Variants in RALYL observed in about 807,000 individuals in gnomAD.
The protein encoded by RALYL is RALY RNA binding protein like.
RALYL carries 29 observed loss-of-function variants against 35.1 expected under a neutral mutation model. The observed-to-expected ratio is 0.83, with a 90% CI of 0.61 to 1.13. RALYL has a LOEUF of 1.13. Ranked by LOEUF, RALYL falls within the 50% of genes most tolerant of loss-of-function variation. The pLI, the probability that RALYL is intolerant of heterozygous loss-of-function variation, is 0.00. For synonymous variants in RALYL, 120 were observed against 127.6 expected, an observed-to-expected ratio of 0.94 and a Z score of 0.40; for missense variants, 359 against 360.4, an observed-to-expected ratio of 1.00 and a Z score of 0.03.
rs370042597 is a variant in RALYL, at chr8:84,247,533, TA to T, written c.-24+63121del. On this transcript the variant is annotated intron_variant, in intron 1 of 8. Transcript: ENST00000521268. ...ACAATTTAATGACACATTTTAAATT[TA>T]AAAAAAAAAAAGAAAAAAAAACTTG... is the stretch of plus-strand genomic sequence containing the variant. Among the ~76,000 whole-genome samples the T allele has an allele frequency of 3.2e-3, 450 of 140,166 alleles. 3 individuals are homozygous for T. The East Asian group carries it at 0.039, about 12-fold the overall frequency. 92.0% of individuals were successfully genotyped at this position (140,166 alleles called of 152,430 possible).
At chr8:84,703,715 T>C (rs1178418056) in intron 2 of RALYL, among the ~76,000 whole-genome samples, 1 of 152,180 alleles carries the variant, frequency 6.6e-6, no homozygotes, top group Admixed American at 6.5e-5. Flanking sequence ...ATTCATATCA[T>C]AAATATATAC....
chr8:84,608,894 C>A (rs1301750243), intron 2 of RALYL, among the ~76,000 whole-genome samples: 1 of 152,128 alleles, frequency 6.6e-6, no homozygotes, highest in East Asian at 1.9e-4. Flanking sequence ...CTGCATAAGA[C>A]CAAACCCATC....
At chr8:84,362,282 A>G (rs1202948039) in intron 1 of RALYL, among the ~76,000 whole-genome samples, 2 of 152,182 alleles carry the variant, frequency 1.3e-5, no homozygotes, top group Non-Finnish European at 2.9e-5. Context: ...GAGTATCAGC[A>G]TTATACTAGC....
intron 1 of RALYL, among the ~76,000 whole-genome samples, chr8:84,254,062 C>A (rs1459138101): frequency 6.6e-6 from 1 of 152,148 alleles, no homozygotes; most frequent in Non-Finnish European, 1.5e-5. Flanking sequence ...GTCCTGGGGA[C>A]CGCCACAGTT....
chr8:84,789,282 A>T (rs1027453433), intron 3 of RALYL, among the ~76,000 whole-genome samples: 3 of 152,218 alleles, frequency 2.0e-5, no homozygotes, highest in African/African-American at 7.2e-5. Context: ...ATGACCCACA[A>T]ATTACAGATA....
rs559683551 is a variant in RALYL at position 84,598,038 on chromosome 8, G to A, written c.256+68461G>A. Reference sequence around the variant, plus strand: ...TGACATACAAACCTCTGCTATCTGAGCCCTATTCTCTCCAGCCTCACCCTT... The same window carrying A: ...TGACATACAAACCTCTGCTATCTGAACCCTATTCTCTCCAGCCTCACCCTT... On this transcript the variant is annotated intron_variant, in intron 2 of 8. Coordinates refer to ENST00000521268, the MANE Select transcript of RALYL (RefSeq NM_173848.7). Among the ~76,000 whole-genome samples, 198 of 152,196 alleles carry A rather than the reference G, an allele frequency of 1.3e-3. 3 individuals are homozygous for A. Among genetic ancestry groups the A allele is most frequent in the African/African-American group, 4.4e-3 (181 of 41,532 alleles).
At chr8:84,792,968 C>A (rs1821142713) in intron 3 of RALYL, among the ~76,000 whole-genome samples, 1 of 152,132 alleles carries the variant, frequency 6.6e-6, no homozygotes, top group Admixed American at 6.6e-5. Context: ...GACTGTCTAC[C>A]AGAGATGTCT....
intron 2 of RALYL, among the ~76,000 whole-genome samples, chr8:84,536,777 A>G (rs967911464): frequency 6.6e-6 from 1 of 152,248 alleles, no homozygotes; most frequent in Non-Finnish European, 1.5e-5. Context: ...TATTGTTATC[A>G]TAATTTCTTA....
rs543901768 is a variant in RALYL at position 84,293,491 on chromosome 8, C to T, written c.-24+109067C>T. Among the ~76,000 whole-genome samples, 16 of 151,950 alleles carry T rather than the reference C, an allele frequency of 1.1e-4. 1 individual carries two copies. The South Asian group carries it at 3.3e-3, about 32-fold the overall frequency. ...TACATTTCTACACATCACCTCTTGG[C>T]CTGATTTCACATGGTCATTGAAATT... On this transcript the variant is annotated intron_variant, in intron 1 of 8. Transcript: ENST00000521268.
chr8:84,835,815 A>T (rs1229579570), intron 4 of RALYL, among the ~76,000 whole-genome samples: 1 of 152,172 alleles, frequency 6.6e-6, no homozygotes, highest in Non-Finnish European at 1.5e-5. Context: ...GATTGTGTCA[A>T]GATACAAGAA....
intron 2 of RALYL, among the ~76,000 whole-genome samples, chr8:84,692,082 T>C (rs1370587489): frequency 1.3e-5 from 2 of 152,160 alleles, no homozygotes; most frequent in Non-Finnish European, 2.9e-5. Flanking sequence ...ATGTCTTTAA[T>C]GTAACAAGTT....
At position 84,366,763 on chromosome 8, in the gene RALYL, C is replaced by CAAAAAA. The variant is rs1166208925; in HGVS notation, c.-23-162513_-23-162508dup. On this transcript the variant is annotated intron_variant, in intron 1 of 8. Transcript: ENST00000521268. ...TGGAGGCAGAGTGAGATTTTTGTCT[C>CAAAAAA]AAAAAAAAAAAAAAAAAAAAAAAAA... Among the ~76,000 whole-genome samples the CAAAAAA allele has an allele frequency of 3.9e-3, 222 of 56,628 alleles. 9 individuals carry two copies. Among genetic ancestry groups the CAAAAAA allele is most frequent in the Middle Eastern group, 0.021 (1 of 48 alleles). The allele number at this position is 56,628 out of a possible 152,430, so 37.2% of individuals were successfully genotyped here.
chr8:84,403,524 GTTTTTTTTTTT>G (rs769845435), intron 1 of RALYL, among the ~76,000 whole-genome samples: 22 of 39,426 alleles, frequency 5.6e-4, no homozygotes, highest in Admixed American at 1.2e-3. Context: ...CTATATCTCT[GTTTTTTTTTTT>G]TTTTTTTTTT....
intron 1 of RALYL, among the ~76,000 whole-genome samples, chr8:84,385,788 C>G (rs73298773): frequency 2.0e-5 from 3 of 151,902 alleles, no homozygotes; most frequent in African/African-American, 7.2e-5. Flanking sequence ...TCTCACAGAC[C>G]ACACTTAGTA....
chr8:84,497,609 T>C (rs1484949017), intron 1 of RALYL, among the ~76,000 whole-genome samples: 1 of 151,658 alleles, frequency 6.6e-6, no homozygotes, highest in East Asian at 1.9e-4. Context: ...GAATGATTTT[T>C]AAGGTTTTGT....
intron 1 of RALYL, among the ~76,000 whole-genome samples, chr8:84,320,502 T>A (rs2130366423): frequency 6.6e-6 from 1 of 152,180 alleles, no homozygotes; most frequent in Admixed American, 6.5e-5. Context: ...AAAGCTGTAC[T>A]CTATAGTTAT....
intron 1 of RALYL, among the ~76,000 whole-genome samples, chr8:84,420,718 T>C (rs896810977): frequency 2.6e-5 from 3 of 115,956 alleles, no homozygotes; most frequent in African/African-American, 1.2e-4. Context: ...TGAATTGATT[T>C]TTGTATAAGG....
chr8:84,730,662 A>G (rs567736662), intron 2 of RALYL, among the ~76,000 whole-genome samples: 37 of 131,016 alleles, frequency 2.8e-4, no homozygotes, highest in African/African-American at 1.2e-3. Context: ...AAAACTCTTC[A>G]CTATATTTCA....
At chr8:84,342,506 C>A (rs150046543) in intron 1 of RALYL, among the ~76,000 whole-genome samples, 1 of 151,036 alleles carries the variant, frequency 6.6e-6, no homozygotes, top group Admixed American at 6.6e-5. Flanking sequence ...CTTGAAGAAG[C>A]GAATTTCTAT....
Sources: gnomAD v4.1 joint callset for allele counts (sites outside exome capture counted in the v4.1 genomes callset) on GRCh38, gnomAD v4.1.1 for gene constraint, MANE v1.5 for transcripts, NCBI Gene and HGNC (gene_info 2026-07-23, HGNC 2026-07-21) for gene names.